Variants in SPIN2A observed in about 807,000 individuals in gnomAD.
The protein encoded by SPIN2A is spindlin-2A.
A neutral mutation model predicts 9.2 loss-of-function variants in SPIN2A; 4 were observed. The observed-to-expected ratio is 0.44, with a 90% CI of 0.21 to 1.00. The LOEUF (loss-of-function observed/expected upper bound fraction) is 1.00, where lower values mean the gene tolerates loss of function less well. Ranked by LOEUF, SPIN2A falls within the 50% of genes least tolerant of loss-of-function variation. The pLI is 0.26. For missense variants in SPIN2A, 77 were observed against 172.8 expected, an observed-to-expected ratio of 0.45 and a Z score of 3.11; for synonymous variants, 25 against 61.2, an observed-to-expected ratio of 0.41 and a Z score of 2.76.
At chrX:57,138,204 TTG>T (rs1432346204), upstream of SPIN2A, among the ~76,000 whole-genome samples, 1 of 111,814 alleles carries the variant, frequency 8.9e-6, no homozygotes, top group Non-Finnish European at 1.9e-5. Flanking sequence ...TTTTTAATTT[TTG>T]TGTGTTTTTT....
chrX:57,138,674 C>T (rs1240309088), upstream of SPIN2A, among the ~76,000 whole-genome samples: 2 of 111,250 alleles, frequency 1.8e-5, no homozygotes, highest in African/African-American at 6.5e-5. Flanking sequence ...TTTATATCCC[C>T]ACGAGCAATT....
At chrX:57,144,348 A>AT in the SPIN2A span, among the ~76,000 whole-genome samples, 30,751 of 107,714 alleles carry the variant, frequency 0.29, 3,508 homozygotes, top group Middle Eastern at 0.58. Context: ...GGATATTTAT[A>AT]TTTTTTCTCA....
At chrX:57,138,677 G>A (rs997666873), upstream of SPIN2A, among the ~76,000 whole-genome samples, 4 of 110,941 alleles carry the variant, frequency 3.6e-5, no homozygotes, top group Admixed American at 9.6e-5. Context: ...ATATCCCCAC[G>A]AGCAATTTAC....
chrX:57,137,529 C>A (rs1927864227), upstream of SPIN2A: 1 of 130,340 alleles, frequency 7.7e-6, no homozygotes, highest in South Asian at 3.3e-4. Flanking sequence ...TTTTTCTGCA[C>A]AAGACTACAG....
chrX:57,145,542 G>A, the SPIN2A span, among the ~76,000 whole-genome samples: 6 of 111,919 alleles, frequency 5.4e-5, no homozygotes, highest in East Asian at 1.7e-3. Flanking sequence ...CTTTTGTTGT[G>A]CAGAAGCATT....
upstream of SPIN2A, among the ~76,000 whole-genome samples, chrX:57,139,554 C>A (rs766364750): frequency 9.0e-6 from 1 of 111,128 alleles, no homozygotes; most frequent in East Asian, 2.8e-4. Flanking sequence ...CCTGGGTTCA[C>A]GCCATTCTCC....
chrX:57,139,755 C>T (rs963922362), upstream of SPIN2A, among the ~76,000 whole-genome samples: 1 of 111,690 alleles, frequency 9.0e-6, no homozygotes, highest in Admixed American at 9.5e-5. Context: ...CGCCTGTCCC[C>T]ATAGGTTTAT....
chrX:57,134,565 C>T (rs982371634), downstream of SPIN2A: 1 of 111,565 alleles, frequency 9.0e-6, no homozygotes, highest in Non-Finnish European at 1.9e-5. Context: ...CTCTGATGCC[C>T]CTCATCTCTA....
At chrX:57,139,470 G>A (rs761423155), upstream of SPIN2A, among the ~76,000 whole-genome samples, 2 of 111,598 alleles carry the variant, frequency 1.8e-5, no homozygotes, top group East Asian at 5.6e-4. Context: ...TTGTTTGTTT[G>A]TTTGTTTTTT....
At chrX:57,137,433 C>T, upstream of SPIN2A, 2 of 669,001 alleles carry the variant, frequency 3.0e-6, no homozygotes, top group Non-Finnish European at 3.6e-6. Flanking sequence ...CGCTCGCTGG[C>T]CGTCTACCTC....
At chrX:57,143,296 C>A in the SPIN2A span, among the ~76,000 whole-genome samples, 1 of 109,975 alleles carries the variant, frequency 9.1e-6, no homozygotes, top group East Asian at 2.8e-4. Context: ...TTCATGGATA[C>A]GAGGAGACTT....
At chrX:57,138,675 A>G (rs1378396204), upstream of SPIN2A, among the ~76,000 whole-genome samples, 1 of 111,360 alleles carries the variant, frequency 9.0e-6, no homozygotes, top group Non-Finnish European at 1.9e-5. Flanking sequence ...TTATATCCCC[A>G]CGAGCAATTT....
the SPIN2A span, among the ~76,000 whole-genome samples, chrX:57,144,069 G>A: frequency 8.9e-6 from 1 of 111,963 alleles, no homozygotes; most frequent in Non-Finnish European, 1.9e-5. Flanking sequence ...TCAAGTTAAA[G>A]ATAACTTTGC....
At chrX:57,139,325 G>T (rs1927933124), upstream of SPIN2A, among the ~76,000 whole-genome samples, 1 of 112,262 alleles carries the variant, frequency 8.9e-6, no homozygotes, top group Non-Finnish European at 1.9e-5. Flanking sequence ...CCTTTCTATA[G>T]TGTGTGTTCT....
At chrX:57,136,930 G>T in intron 1 of SPIN2A, 1 of 767,801 alleles carries the variant, frequency 1.3e-6, no homozygotes, top group Non-Finnish European at 1.8e-6. Flanking sequence ...CCTGCAAAGC[G>T]GCCTTGACCA....
At chrX:57,137,221 C>T (rs1386846529) in intron 1 of SPIN2A, 39 bp downstream of exon 1, 20 of 758,725 alleles carry the variant, frequency 2.6e-5, no homozygotes, top group African/African-American at 6.9e-5. Context: ...TGGCGTCCAC[C>T]GCCGGGGATC....
chrX:57,146,082 GT>G, the SPIN2A span, among the ~76,000 whole-genome samples: 1 of 109,042 alleles, frequency 9.2e-6, no homozygotes, highest in African/African-American at 3.3e-5. Context: ...TTTTAGGGTT[GT>G]TTTTTCTAGT....
At chrX:57,134,808 T>A (rs1227093512), downstream of SPIN2A, 1 of 111,642 alleles carries the variant, frequency 9.0e-6, no homozygotes, top group African/African-American at 3.3e-5. Context: ...TGTTAGCGTG[T>A]TTAGGCTGAG....
In SPIN2A at chrX:57,135,896, G is replaced by T; in HGVS notation, c.702C>A (p.Thr234=). 1.7e-6 allele frequency: 2 copies of T among 1,209,711 alleles called. No homozygotes were observed. The highest frequency in any genetic ancestry group is 2.2e-5 in the Admixed American group (1 of 46,073). The change falls in exon 2 of 2, where the codon ACC becomes ACA. Residue 234 remains threonine, a synonymous_variant. Coordinates refer to ENST00000374906, the MANE Select transcript of SPIN2A (RefSeq NM_019003.5). ...RIGMVIHQVE[T]KPSVYFIKFD... is the part of the protein sequence containing the mutation. Reference sequence around the variant, plus strand: ...ACTTGATGAAATACACAGAGGGTTTGGTTTCCACTTGGTGAATGACCATGC... The same window carrying T: ...ACTTGATGAAATACACAGAGGGTTTTGTTTCCACTTGGTGAATGACCATGC...
Sources: gnomAD v4.1 joint callset for allele counts (sites outside exome capture counted in the v4.1 genomes callset) on GRCh38, gnomAD v4.1.1 for gene constraint, MANE v1.5 for transcripts, NCBI Gene and HGNC (gene_info 2026-07-23, HGNC 2026-07-21) for gene names.